ICA1: variants seen among roughly 807,000 people sequenced by gnomAD.
The protein encoded by ICA1 is 69 kDa islet cell autoantigen.
In ICA1, 40 loss-of-function variants were observed where a neutral mutation model predicts 71.0. The observed-to-expected ratio is 0.56, with a 90% CI of 0.44 to 0.73. ICA1 has a LOEUF of 0.73. Among genes scored for constraint, ICA1 ranks in the 30% least tolerant of loss-of-function variants. The pLI, the probability that ICA1 is intolerant of heterozygous loss-of-function variation, is 0.00. For synonymous variants in ICA1, 207 were observed against 209.5 expected (o/e 0.99, Z 0.10); for missense variants, 578 against 576.5 (o/e 1.00, Z -0.03).
chr7:8,114,144 G>T, intron 13 of ICA1, 100 bp from the exon 14 acceptor site: 2 of 1,293,294 alleles, frequency 1.5e-6, no homozygotes, highest in Non-Finnish European at 2.2e-6. Context: ...AATGCAGATT[G>T]TTCAATCAGA....
intron 5 of ICA1, 151 bp downstream of exon 5, chr7:8,221,124 G>T: frequency 3.8e-6 from 3 of 789,276 alleles, no homozygotes; most frequent in Non-Finnish European, 5.9e-6. Flanking sequence ...AGAGAGTTAA[G>T]TACAAACTGC....
In ICA1 at chr7:8,226,583, T is replaced by C. The variant is rs1397845418; in HGVS notation, c.256+2018A>G. ...CATTTTTGTGTCTTTGACAGCTACA[T>C]AGCAACATCCTCAAATTAACCACAC... is the stretch of plus-strand genomic sequence containing the variant. On this transcript the variant is annotated intron_variant, in intron 4 of 13. Coordinates refer to ENST00000402384, the MANE Select transcript of ICA1 (RefSeq NM_001136020.3). This position sits in a 1 kb window ranked among gnomAD's most constrained non-coding sequence, Gnocchi z 4.4. Among the ~76,000 whole-genome samples, 1 of 152,204 alleles carries C rather than the reference T, an allele frequency of 6.6e-6. No individual in the cohort carries two copies. Among genetic ancestry groups the C allele is most frequent in the Non-Finnish European group, 1.5e-5 (1 of 68,030 alleles).
rs150588630 is a variant in ICA1 at position 8,238,871 on chromosome 7, C to T, written c.-79-2866G>A. ...TTCCGGGGATACTAATATACAGAATCCTAGACCCCACTCCTTTCCTAGTGA... is the reference window on the plus strand; with the variant it reads ...TTCCGGGGATACTAATATACAGAATTCTAGACCCCACTCCTTTCCTAGTGA... On this transcript the variant is annotated intron_variant, in intron 1 of 13. Transcript: ENST00000402384. 4.8e-3 allele frequency among the ~76,000 whole-genome samples: 730 copies of T among 152,270 alleles called. 4 individuals are homozygous for T. Among genetic ancestry groups the T allele is most frequent in the Non-Finnish European group, 7.4e-3 (503 of 68,026 alleles).
chr7:8,192,085 A>G (rs1375521001), intron 6 of ICA1, among the ~76,000 whole-genome samples: 1 of 152,196 alleles, frequency 6.6e-6, no homozygotes, highest in Non-Finnish European at 1.5e-5. Flanking sequence ...TATATTTCCT[A>G]AAAATAGGGA....
At chr7:8,212,956 T>C (rs1794288237) in intron 6 of ICA1, among the ~76,000 whole-genome samples, 1 of 150,168 alleles carries the variant, frequency 6.7e-6, no homozygotes, top group Non-Finnish European at 1.5e-5. Flanking sequence ...TGGGTGTAAT[T>C]GTTTGTTCCC....
intron 8 of ICA1, among the ~76,000 whole-genome samples, chr7:8,148,819 T>C (rs1797886680): frequency 6.6e-6 from 1 of 152,068 alleles, no homozygotes; most frequent in Admixed American, 6.5e-5. Context: ...ATTGAAGATA[T>C]AAAGGGGCTA....
chr7:8,131,908 C>A (rs1330048189), intron 12 of ICA1, among the ~76,000 whole-genome samples: 2 of 152,196 alleles, frequency 1.3e-5, no homozygotes, highest in Non-Finnish European at 2.9e-5. Context: ...AAACTCCCAA[C>A]TGGAGTCAGG....
At chr7:8,224,353 A>G (rs1001276541) in intron 4 of ICA1, among the ~76,000 whole-genome samples, 8 of 152,152 alleles carry the variant, frequency 5.3e-5, no homozygotes, top group African/African-American at 1.4e-4. Context: ...GAAGAGGTGA[A>G]CTGGGGCCAG....
chr7:8,160,430 G>A (rs1803327887), intron 6 of ICA1, among the ~76,000 whole-genome samples: 1 of 152,164 alleles, frequency 6.6e-6, no homozygotes, highest in African/African-American at 2.4e-5. Context: ...TTACTCATGG[G>A]CAGGGCTGGC....
intron 13 of ICA1, 68 bp downstream of exon 13, chr7:8,127,805 T>C: frequency 1.4e-6 from 2 of 1,466,698 alleles, no homozygotes; most frequent in Non-Finnish European, 1.8e-6. Flanking sequence ...GGAAGAAATA[T>C]GCTTTTGGAT....
At position 8,164,622 on chromosome 7, in the gene ICA1, C is replaced by T. The variant is rs117566569; in HGVS notation, c.580-5970G>A. Among the ~76,000 whole-genome samples the T allele has an allele frequency of 5.9e-5, 9 of 152,302 alleles. No individual in the cohort carries two copies. In the East Asian group the frequency reaches 1.7e-3, roughly 29 times the overall value. ...TCTTCCCCAATCAGCTCTAATACTCCTCCGTCATTAACTGGATCTGTTCAC... is the reference window on the plus strand; with the variant it reads ...TCTTCCCCAATCAGCTCTAATACTCTTCCGTCATTAACTGGATCTGTTCAC... On this transcript the variant is annotated intron_variant, in intron 6 of 13. Coordinates refer to ENST00000402384, the MANE Select transcript of ICA1 (RefSeq NM_001136020.3).
intron 6 of ICA1, among the ~76,000 whole-genome samples, chr7:8,196,719 T>TATA (rs1787711832): frequency 6.6e-6 from 1 of 152,140 alleles, no homozygotes; most frequent in Non-Finnish European, 1.5e-5. Flanking sequence ...TAACTTTACA[T>TATA]ATAATATATA....
At chr7:8,257,853 C>T (rs1583956972) in intron 1 of ICA1, among the ~76,000 whole-genome samples, 1 of 152,318 alleles carries the variant, frequency 6.6e-6, no homozygotes, top group East Asian at 1.9e-4. Context: ...CAAGGCCACT[C>T]AGCTAGTAAG....
At chr7:8,217,775 A>G (rs1292367838) in intron 6 of ICA1, among the ~76,000 whole-genome samples, 1 of 152,204 alleles carries the variant, frequency 6.6e-6, no homozygotes, top group Non-Finnish European at 1.5e-5. Flanking sequence ...TGCATATCCA[A>G]ATCTTTAAGA....
intron 7 of ICA1, chr7:8,157,666 G>A (rs534934666): frequency 2.0e-5 from 3 of 151,304 alleles, no homozygotes; most frequent in African/African-American, 7.4e-5. Context: ...TAAACTTTGA[G>A]CTCTTTGAAG....
At chr7:8,204,830 T>C (rs1268537216) in intron 6 of ICA1, among the ~76,000 whole-genome samples, 1 of 152,222 alleles carries the variant, frequency 6.6e-6, no homozygotes, top group Non-Finnish European at 1.5e-5. Context: ...TTTCCTATTG[T>C]CATCTCCTTA....
At chr7:8,146,764 TTTAGTA>T (rs1797102078) in intron 8 of ICA1, among the ~76,000 whole-genome samples, 1 of 142,352 alleles carries the variant, frequency 7.0e-6, no homozygotes, top group Admixed American at 7.0e-5. Flanking sequence ...TGTGTGTGTG[TTTAGTA>T]TATGTGCAGC....
intron 6 of ICA1, among the ~76,000 whole-genome samples, chr7:8,180,233 G>T (rs1350511207): frequency 6.6e-6 from 1 of 151,930 alleles, no homozygotes; most frequent in Admixed American, 6.6e-5. Context: ...CTATCACCAT[G>T]AATTAGTTTT....
intron 6 of ICA1, among the ~76,000 whole-genome samples, chr7:8,197,194 T>C (rs1585123327): frequency 2.0e-5 from 3 of 150,104 alleles, no homozygotes; most frequent in East Asian, 3.9e-4. Flanking sequence ...ATGGTAAAGA[T>C]GAGAAAAGAT....
Sources: allele counts gnomAD v4.1 joint callset (sites outside exome capture counted in the v4.1 genomes callset), GRCh38; gene constraint gnomAD v4.1.1; non-coding constraint Gnocchi (gnomAD v3.1); transcripts MANE v1.5; gene names NCBI Gene and HGNC (gene_info 2026-07-23, HGNC 2026-07-21).